STAT3: variants seen among roughly 807,000 people sequenced by gnomAD.
STAT3 encodes the protein signal transducer and activator of transcription 3.
In STAT3, 7 loss-of-function variants were observed where a neutral mutation model predicts 114.3. That is an observed-to-expected ratio of 0.06 (90% CI 0.03 to 0.11). STAT3 has a LOEUF of 0.11. Among genes scored for constraint, STAT3 ranks in the 10% least tolerant of loss-of-function variants. The pLI is 1.00. For missense variants in STAT3, 364 were observed against 960.9 expected (o/e 0.38, Z 8.21); for synonymous variants, 331 against 354.5 (o/e 0.93, Z 0.74).
At chr17:42,367,819 T>C (rs1181375889) in intron 1 of STAT3, among the ~76,000 whole-genome samples, 1 of 152,210 alleles carries the variant, frequency 6.6e-6, no homozygotes, top group Non-Finnish European at 1.5e-5. Context: ...AACTACAGAA[T>C]GCTCAAATAT....
rs184095302 is a variant in STAT3 at position 42,345,678 on chromosome 17, G to C, written c.274-21C>G. 1.2e-4 allele frequency: 187 copies of C among 1,578,496 alleles called. 1 individual carries two copies. The East Asian group carries it at 4.0e-3, about 34-fold the overall frequency. The stretch of plus-strand genomic sequence containing the variant: ...CTGCTCTATAAGTAGGAGAGAAAGA[G>C]AATAAAAATCAGCAGCAGACCATGG... On this transcript the variant is annotated intron_variant, in intron 3 of 23. Coordinates refer to ENST00000264657, the MANE Select transcript of STAT3 (RefSeq NM_139276.3).
intron 14 of STAT3, among the ~76,000 whole-genome samples, chr17:42,328,795 C>A (rs2081858587): frequency 6.6e-6 from 1 of 152,098 alleles, no homozygotes; most frequent in Non-Finnish European, 1.5e-5. Flanking sequence ...TGAAAACTAG[C>A]CTTCCGTCAC....
At chr17:42,348,990 C>T (rs550543251) in intron 1 of STAT3, among the ~76,000 whole-genome samples, 2 of 152,210 alleles carry the variant, frequency 1.3e-5, no homozygotes, top group South Asian at 2.1e-4. Flanking sequence ...CTCAGCCTCC[C>T]GAGGAGCTGG....
At chr17:42,329,964 C>T (rs2081924468) in intron 11 of STAT3, among the ~76,000 whole-genome samples, 188 bp from the exon 12 acceptor site, 1 of 152,234 alleles carries the variant, frequency 6.6e-6, no homozygotes, top group African/African-American at 2.4e-5. Context: ...GTTGCCTCCC[C>T]ATAGGAAGGG....
chr17:42,323,420 C>T, intron 18 of STAT3, 66 bp from the exon 19 acceptor site: 4 of 1,572,770 alleles, frequency 2.5e-6, no homozygotes, highest in Non-Finnish European at 3.5e-6. Context: ...CCTAGGGGTG[C>T]AGTGCATCAC....
At chr17:42,328,511 G>A (rs1422782623) in intron 14 of STAT3, among the ~76,000 whole-genome samples, 3 of 152,162 alleles carry the variant, frequency 2.0e-5, no homozygotes, top group African/African-American at 4.8e-5. Context: ...AGGTTCAAGC[G>A]ATTCTCATGC....
chr17:42,376,686 A>C (rs993127941), intron 1 of STAT3, among the ~76,000 whole-genome samples: 1 of 151,716 alleles, frequency 6.6e-6, no homozygotes, highest in Admixed American at 6.6e-5. Context: ...CTCTACTAAA[A>C]ATACAAAAAA....
At chr17:42,375,028 G>T (rs902316338) in intron 1 of STAT3, among the ~76,000 whole-genome samples, 9 of 152,200 alleles carry the variant, frequency 5.9e-5, no homozygotes, top group African/African-American at 2.2e-4. Flanking sequence ...TACCAGAATC[G>T]TCTGTAGGAA....
chr17:42,335,642 G>A (rs1467916455), intron 8 of STAT3, among the ~76,000 whole-genome samples: 3 of 152,196 alleles, frequency 2.0e-5, no homozygotes, highest in Non-Finnish European at 2.9e-5. Context: ...ATTAGGCCAG[G>A]TGCAGTGGCT....
At chr17:42,386,674 G>T (rs1008776169) in intron 1 of STAT3, among the ~76,000 whole-genome samples, 2 of 152,120 alleles carry the variant, frequency 1.3e-5, no homozygotes, top group African/African-American at 4.8e-5. Flanking sequence ...GGGATCAGAG[G>T]TGTGCACCAC....
At chr17:42,363,872 G>T (rs1409835151) in intron 1 of STAT3, among the ~76,000 whole-genome samples, 2 of 151,566 alleles carry the variant, frequency 1.3e-5, no homozygotes, top group Non-Finnish European at 2.9e-5. Context: ...TTTTCTCTGG[G>T]TGGCGTTATC....
At chr17:42,316,958 A>G (rs2081277985) in intron 22 of STAT3, 57 bp from the exon 23 acceptor site, 16 of 481,580 alleles carry the variant, frequency 3.3e-5, no homozygotes, top group Non-Finnish European at 4.2e-5. Context: ...GACACAATGG[A>G]AAAAAAAAAA....
intron 4 of STAT3, among the ~76,000 whole-genome samples, chr17:42,343,600 G>GCGTA (rs2082554324): frequency 6.6e-6 from 1 of 151,622 alleles, no homozygotes; most frequent in Non-Finnish European, 1.5e-5. Flanking sequence ...GACTACAGGC[G>GCGTA]CGTACCACCA....
intron 14 of STAT3, among the ~76,000 whole-genome samples, chr17:42,326,993 T>TA (rs2081757256): frequency 1.3e-5 from 2 of 152,306 alleles, no homozygotes; most frequent in South Asian, 2.1e-4. Flanking sequence ...GCTCGGCACT[T>TA]ACTCTCTTCA....
rs541402061 is a variant in STAT3 at position 42,380,609 on chromosome 17, G to A, written c.-24+7670C>T. Reference sequence around the variant, plus strand: ...TCACTCTGTTGGGCAGGCTGGTCTTGAACTCCTGACCTCAGGTGATCCACC... The same window carrying A: ...TCACTCTGTTGGGCAGGCTGGTCTTAAACTCCTGACCTCAGGTGATCCACC... On this transcript the variant is annotated intron_variant, in intron 1 of 23. Transcript: ENST00000264657. 5.9e-5 allele frequency among the ~76,000 whole-genome samples: 9 copies of A among 151,876 alleles called. No individual in the cohort carries two copies. In the East Asian group the frequency reaches 1.4e-3, roughly 23 times the overall value.
chr17:42,374,983 T>C (rs1391207020), intron 1 of STAT3, among the ~76,000 whole-genome samples: 2 of 152,204 alleles, frequency 1.3e-5, no homozygotes, highest in Non-Finnish European at 2.9e-5. Flanking sequence ...ACATCTGAAA[T>C]AAGTCAACAC....
intron 11 of STAT3, 103 bp downstream of exon 11, chr17:42,331,369 G>A: frequency 1.8e-6 from 2 of 1,083,768 alleles, no homozygotes; most frequent in Non-Finnish European, 2.7e-6. Flanking sequence ...ACAAAATGAA[G>A]ATCTCTGAAT....
intron 1 of STAT3, among the ~76,000 whole-genome samples, chr17:42,385,434 GGGA>G (rs1439095333): frequency 1.3e-5 from 2 of 151,424 alleles, no homozygotes; most frequent in Non-Finnish European, 2.9e-5. Flanking sequence ...ACTTGAACCC[GGGA>G]GGAGGAGGTT....
At chr17:42,346,963 C>A (rs113576679) in intron 2 of STAT3, among the ~76,000 whole-genome samples, 1 of 151,860 alleles carries the variant, frequency 6.6e-6, no homozygotes, top group Non-Finnish European at 1.5e-5. Context: ...CTGAGGCAGG[C>A]GGATCACCTG....
Sources: gnomAD v4.1 joint callset for allele counts (sites outside exome capture counted in the v4.1 genomes callset) on GRCh38, gnomAD v4.1.1 for gene constraint, MANE v1.5 for transcripts, NCBI Gene and HGNC (gene_info 2026-07-23, HGNC 2026-07-21) for gene names.